Variants in TECRL observed in about 807,000 individuals in gnomAD.
TECRL encodes the protein trans-2,3-enoyl-CoA reductase like.
Under a neutral mutation model 52.8 loss-of-function variants are expected in TECRL, and 63 were observed. The observed-to-expected ratio is 1.19, with a 90% CI of 0.97 to 1.47. The LOEUF (loss-of-function observed/expected upper bound fraction) is 1.47, where lower values mean the gene tolerates loss of function less well. Among genes scored for constraint, TECRL ranks in the 40% most tolerant of loss-of-function variants. The pLI is 0.00. For synonymous variants in TECRL, 164 were observed against 141.9 expected (o/e 1.16, Z -1.10); for missense variants, 482 against 429.6 (o/e 1.12, Z -1.08).
At chr4:64,312,295 T>A (rs1476365041) in intron 5 of TECRL, among the ~76,000 whole-genome samples, 7 of 152,218 alleles carry the variant, frequency 4.6e-5, no homozygotes, top group African/African-American at 1.7e-4. Context: ...GATTATTTTC[T>A]AAATCTAGAT....
intron 9 of TECRL, among the ~76,000 whole-genome samples, chr4:64,282,427 T>C (rs1722874636): frequency 6.6e-6 from 1 of 152,084 alleles, no homozygotes; most frequent in Non-Finnish European, 1.5e-5. Flanking sequence ...TAACAATTGC[T>C]GAAATATCAA....
rs563081052 is a variant in TECRL at position 64,280,760 on chromosome 4, G to A, written c.964+281C>T. The stretch of plus-strand genomic sequence containing the variant: ...TGCACATGCACAAGAAGTTTCAAGC[G>A]AAATGCGTTGTTATCAAAACTTCTT... On this transcript the variant is annotated intron_variant, in intron 11 of 11. Transcript: ENST00000381210. Among the ~76,000 whole-genome samples, 16 of 152,216 alleles carry A rather than the reference G, an allele frequency of 1.1e-4. No homozygotes were observed. In the South Asian group the frequency reaches 2.7e-3, roughly 26 times the overall value.
At chr4:64,295,225 A>G (rs942760345) in intron 8 of TECRL, among the ~76,000 whole-genome samples, 2 of 151,500 alleles carry the variant, frequency 1.3e-5, no homozygotes, top group Non-Finnish European at 3.0e-5. Context: ...TTTCAAAATA[A>G]ATAATGGTAA....
At chr4:64,310,334 T>C (rs897003465) in intron 5 of TECRL, among the ~76,000 whole-genome samples, 2 of 152,218 alleles carry the variant, frequency 1.3e-5, no homozygotes, top group Non-Finnish European at 2.9e-5. Context: ...CATTTTATAA[T>C]AGTCAGAATA....
In TECRL at chr4:64,328,537, A is replaced by G. The variant is rs1441533007; in HGVS notation, c.306T>C (p.Ser102=). ...FHKACPKWYP[S]RVGLQLECGG... ...CACATTCTAGCTGCAGACCAACTCGAGAAGGGTACCACTTTGGACCTATTC... is the reference window on the plus strand; with the variant it reads ...CACATTCTAGCTGCAGACCAACTCGGGAAGGGTACCACTTTGGACCTATTC... The change falls in exon 3 of 12, where the codon TCT becomes TCC. Residue 102 remains serine (S), a synonymous_variant. Transcript: ENST00000381210. 1 of 1,611,912 alleles carries G rather than the reference A, an allele frequency of 6.2e-7. No homozygotes were observed. The highest frequency in any genetic ancestry group is 8.5e-7 in the Non-Finnish European group (1 of 1,178,504).
At chr4:64,391,433 C>G (rs180677972) in intron 1 of TECRL, among the ~76,000 whole-genome samples, 1 of 151,908 alleles carries the variant, frequency 6.6e-6, no homozygotes, top group East Asian at 1.9e-4. Flanking sequence ...AGAGTAATTT[C>G]AAAGTTAAAT....
intron 3 of TECRL, 64 bp downstream of exon 3, chr4:64,328,448 A>C: frequency 7.2e-7 from 1 of 1,397,002 alleles, no homozygotes; most frequent in South Asian, 1.2e-5. Flanking sequence ...AGTGAATGTC[A>C]GCTTTTGAAA....
Position 64,333,792 on chromosome 4 carries a change from G to A in TECRL, c.287-5236C>T, listed in dbSNP as rs1431149313. ...TCCCAGCACTTTGGGAGGCCGAGGC[G>A]GGTGGATCATGAGGTCAGGAGATCG... On this transcript the variant is annotated intron_variant, in intron 2 of 11. Coordinates refer to ENST00000381210, the MANE Select transcript of TECRL (RefSeq NM_001010874.5). 1.0e-4 allele frequency among the ~76,000 whole-genome samples: 13 copies of A among 126,012 alleles called. 1 individual carries two copies. Among genetic ancestry groups the A allele is most frequent in the African/African-American group, 1.8e-4 (5 of 27,236 alleles). The allele number at this position is 126,012 out of a possible 152,430, so 82.7% of individuals were successfully genotyped here.
intron 2 of TECRL, among the ~76,000 whole-genome samples, chr4:64,353,871 CA>C (rs1375152664): frequency 1.3e-5 from 2 of 151,612 alleles, no homozygotes; most frequent in African/African-American, 4.9e-5. Flanking sequence ...TATAAGAGAC[CA>C]AAAAACGATA....
intron 9 of TECRL, among the ~76,000 whole-genome samples, chr4:64,286,962 C>T (rs986604220): frequency 9.2e-5 from 14 of 152,140 alleles, no homozygotes; most frequent in African/African-American, 3.1e-4. Flanking sequence ...TATTGTGTTT[C>T]GCTTCTCTAC....
At position 64,353,737 on chromosome 4, in the gene TECRL, T is replaced by C. The variant is rs375956822; in HGVS notation, c.286+21435A>G. ...GGGAATCAGTTAGTTTTGATTTCAT[T>C]TTTCAGTTATTTTACACCATGATAT... On this transcript the variant is annotated intron_variant, in intron 2 of 11. Transcript: ENST00000381210. 3.2e-4 allele frequency among the ~76,000 whole-genome samples: 49 copies of C among 152,262 alleles called. No homozygotes were observed. The South Asian group carries it at 9.9e-3, about 31-fold the overall frequency.
chr4:64,392,828 C>T (rs1723635835), intron 1 of TECRL, among the ~76,000 whole-genome samples: 1 of 151,958 alleles, frequency 6.6e-6, no homozygotes, highest in African/African-American at 2.4e-5. Flanking sequence ...CAACACTTTA[C>T]AAATTACCAC....
intron 4 of TECRL, 88 bp from the exon 5 acceptor site, chr4:64,314,851 A>G: frequency 1.1e-6 from 1 of 914,550 alleles, no homozygotes; most frequent in Non-Finnish European, 1.7e-6. Context: ...CTACTGCATA[A>G]ATTGGTGAAA....
At chr4:64,284,166 G>A (rs185926162) in intron 9 of TECRL, among the ~76,000 whole-genome samples, 38 of 152,114 alleles carry the variant, frequency 2.5e-4, no homozygotes, top group Middle Eastern at 6.8e-3. Flanking sequence ...CTGGAATATA[G>A]GAGTAAATAT....
intron 2 of TECRL, among the ~76,000 whole-genome samples, chr4:64,364,868 T>TA: frequency 7.0e-6 from 1 of 142,858 alleles, no homozygotes. Flanking sequence ...CTATTTTTTT[T>TA]TCATTGAGGA....
In TECRL at chr4:64,351,048, G is replaced by C. The variant is rs530348118; in HGVS notation, c.287-22492C>G. Among the ~76,000 whole-genome samples, 57 of 37,796 alleles carry C rather than the reference G, an allele frequency of 1.5e-3. 2 individuals carry two copies. The highest frequency in any genetic ancestry group is 3.2e-3 in the African/African-American group (56 of 17,426). The allele number at this position is 37,796 out of a possible 152,430, so 24.8% of individuals were successfully genotyped here. A position where few individuals can be genotyped will look rare whatever the true frequency, so the allele number is the denominator to read the frequency against. On this transcript the variant is annotated intron_variant, in intron 2 of 11. Transcript: ENST00000381210. Reference sequence around the variant, plus strand: ...AAAGTGAAAAAAGCCAGACACAGAGGATGACTTTCACAGTTCTCACTCATA... The same window carrying C: ...AAAGTGAAAAAAGCCAGACACAGAGCATGACTTTCACAGTTCTCACTCATA...
intron 1 of TECRL, among the ~76,000 whole-genome samples, chr4:64,408,410 T>C (rs1481673099): frequency 1.3e-5 from 2 of 151,902 alleles, no homozygotes; most frequent in Admixed American, 6.6e-5. Flanking sequence ...GCTTGGAATA[T>C]TATTTATGCA....
At chr4:64,384,170 C>G (rs540904309) in intron 1 of TECRL, among the ~76,000 whole-genome samples, 80 of 151,978 alleles carry the variant, frequency 5.3e-4, no homozygotes, top group African/African-American at 1.9e-3. Context: ...TATGCAGGCA[C>G]CCAGGTGGTA....
chr4:64,294,550 T>C (rs2109959977), intron 8 of TECRL, among the ~76,000 whole-genome samples: 1 of 152,244 alleles, frequency 6.6e-6, no homozygotes, highest in African/African-American at 2.4e-5. Context: ...AATATACTCA[T>C]GGTTTGCTTA....
Sources: allele counts gnomAD v4.1 joint callset (sites outside exome capture counted in the v4.1 genomes callset), GRCh38; gene constraint gnomAD v4.1.1; transcripts MANE v1.5; gene names NCBI Gene and HGNC (gene_info 2026-07-23, HGNC 2026-07-21).